Variants in PRRC2B observed in about 807,000 individuals in gnomAD.
PRRC2B encodes proline rich coiled-coil 2B.
PRRC2B carries 68 observed loss-of-function variants against 242.3 expected under a neutral mutation model. That is an observed-to-expected ratio of 0.28 (90% CI 0.23 to 0.34). PRRC2B has a LOEUF of 0.34. Ranked by LOEUF, PRRC2B falls within the 10% of genes least tolerant of loss-of-function variation. The probability of loss-of-function intolerance (pLI) is 1.00; values close to 1 mark genes in which losing one functional copy is unlikely to be tolerated. For synonymous variants in PRRC2B, 1,228 were observed against 1,173.6 expected, an observed-to-expected ratio of 1.05 and a Z score of -0.95; for missense variants, 2,835 against 2,954.8, an observed-to-expected ratio of 0.96 and a Z score of 0.94.
rs1944190554 is a variant in PRRC2B at position 131,491,409 on chromosome 9, C to G, written c.6226-16C>G. On this transcript the variant is annotated splice_polypyrimidine_tract_variant and intron_variant, in intron 28 of 31. Coordinates refer to ENST00000683519, the MANE Select transcript of PRRC2B (RefSeq NM_013318.4). ...TAGCATCATTCCCCCTCCTGACTGT[C>G]ATTGTCGCCCAGCAGCTGACCATGC... The G allele has an allele frequency of 1.3e-6, 2 of 1,580,328 alleles. No homozygotes were observed.
At chr9:131,443,539 TCCTC>T (rs1838685175) in intron 5 of PRRC2B, among the ~76,000 whole-genome samples, 1 of 151,756 alleles carries the variant, frequency 6.6e-6, no homozygotes, top group Non-Finnish European at 1.5e-5. Flanking sequence ...GCTCAAGTGA[TCCTC>T]CCACCCCAGC....
At chr9:131,397,929 C>G (rs914679835) in intron 1 of PRRC2B, among the ~76,000 whole-genome samples, 4 of 152,228 alleles carry the variant, frequency 2.6e-5, no homozygotes, top group Middle Eastern at 3.4e-3. Context: ...TGTAAGGAGG[C>G]AGGGCTAACT....
intron 1 of PRRC2B, among the ~76,000 whole-genome samples, chr9:131,377,460 G>A (rs1836702304): frequency 6.6e-6 from 1 of 151,996 alleles, no homozygotes; most frequent in South Asian, 2.1e-4. Flanking sequence ...ACTTTTGGAG[G>A]ATATGGTCTT....
chr9:131,408,076 G>A (rs1837413689), intron 1 of PRRC2B, among the ~76,000 whole-genome samples: 1 of 152,188 alleles, frequency 6.6e-6, no homozygotes. Context: ...GCTGAACTGT[G>A]GGAGTGCCAC....
At chr9:131,490,789 G>T in intron 28 of PRRC2B, 1 of 355,890 alleles carries the variant, frequency 2.8e-6, no homozygotes. Context: ...TTGAACGTGT[G>T]TGCTGTACAA....
At chr9:131,412,982 C>A (rs974699304) in intron 1 of PRRC2B, among the ~76,000 whole-genome samples, 1 of 152,020 alleles carries the variant, frequency 6.6e-6, no homozygotes, top group African/African-American at 2.4e-5. Flanking sequence ...TTTTCCTCTT[C>A]ATCTAATTAG....
At chr9:131,448,555 A>AAAAAAAACAAAAAAAAAAAAAC (rs1838897770) in intron 9 of PRRC2B, among the ~76,000 whole-genome samples, 4 of 126,944 alleles carry the variant, frequency 3.2e-5, no homozygotes, top group Admixed American at 9.2e-5. Context: ...AAAAAAAAAA[A>AAAAAAAACAAAAAAAAAAAAAC]AAAAAAAAAA....
In PRRC2B at chr9:131,496,043, C is replaced by T. The variant is rs1459700087; in HGVS notation, c.*169C>T. ...GAAAGCTCCGTTGTCAACCAGCTTG[C>T]ACCCGTGGATATATGGCATTGACCC... On this transcript the variant is annotated 3_prime_UTR_variant, in exon 32 of 32. Coordinates refer to ENST00000683519, the MANE Select transcript of PRRC2B (RefSeq NM_013318.4). The T allele has an allele frequency of 1.5e-5, 14 of 910,368 alleles. No individual in the cohort carries two copies. Among genetic ancestry groups the T allele is most frequent in the Non-Finnish European group, 2.1e-5 (13 of 619,338 alleles). The allele number at this position is 910,368 out of a possible 1,614,324, so 56.4% of individuals were successfully genotyped here.
rs772322025 is a variant in PRRC2B, at chr9:131,487,209, C to T, written c.5899C>T (p.Leu1967=). ...GATCCCGATCTCCCTTCACACATCT[C>T]TGCAGGCACAAGCTCAGCTTGGACT... ...QQIPISLHTS[L]QAQAQLGLRG... is the part of the protein sequence containing the mutation. The change falls in exon 27 of 32, where the codon CTG becomes TTG. Residue 1967 remains leucine (L), a synonymous_variant. Transcript: ENST00000683519. The surrounding 1 kb of genome is among the most constrained non-coding windows in gnomAD (Gnocchi z 5.3). 15 of 1,613,858 alleles carry T rather than the reference C, an allele frequency of 9.3e-6. No individual in the cohort carries two copies. Among genetic ancestry groups the T allele is most frequent in the Non-Finnish European group, 1.2e-5 (14 of 1,179,778 alleles).
At position 131,476,198 on chromosome 9, in the gene PRRC2B, A is replaced by G. The variant is rs777834819; in HGVS notation, c.4069A>G (p.Arg1357Gly). The change falls in exon 16 of 32, where the codon AGG becomes GGG. Residue 1357 changes from arginine (R) to glycine (G), a missense_variant. Physicochemically the swap from Arg to Gly is moderately radical, Grantham distance 125. Coordinates refer to ENST00000683519, the MANE Select transcript of PRRC2B (RefSeq NM_013318.4). The stretch of plus-strand genomic sequence containing the variant: ...GGACAAGAGTGGCACTGTGGGCCGC[A>G]GGTCCCCTGAGCTCTCCTACCAGAA... ...SGDKSGTVGR[R>G]SPELSYQNSS... 6.2e-7 allele frequency: 1 copy of G among 1,613,558 alleles called. No individual in the cohort carries two copies. The highest frequency in any genetic ancestry group is 2.2e-5 in the East Asian group (1 of 44,874).
In PRRC2B at chr9:131,499,027, C is replaced by G. The variant is rs765186566; in HGVS notation, c.*3153C>G. 17 of 152,150 alleles carry G rather than the reference C, an allele frequency of 1.1e-4. No individual in the cohort carries two copies. The highest frequency in any genetic ancestry group is 1.8e-4 in the Non-Finnish European group (12 of 68,024). 9.4% of individuals were successfully genotyped at this position (152,150 alleles called of 1,614,324 possible). The stretch of plus-strand genomic sequence containing the variant: ...TTTTCAAACTTGGAATTCATAGACA[C>G]TCTGGCTCTAGGTTCCTTAAGGGGG... On this transcript the variant is annotated 3_prime_UTR_variant, in exon 32 of 32. Coordinates refer to ENST00000683519, the MANE Select transcript of PRRC2B (RefSeq NM_013318.4).
intron 9 of PRRC2B, among the ~76,000 whole-genome samples, chr9:131,452,402 G>A (rs1425259503): frequency 6.6e-6 from 1 of 152,158 alleles, no homozygotes; most frequent in Non-Finnish European, 1.5e-5. Context: ...GATTAGTTAT[G>A]AGACTGTGCA....
At position 131,438,974 on chromosome 9, in the gene PRRC2B, TCTTC is replaced by T; in HGVS notation, c.397-10_397-7del. 6.2e-7 allele frequency: 1 copy of T among 1,606,418 alleles called. No homozygotes were observed. The highest frequency in any genetic ancestry group is 1.1e-5 in the South Asian group (1 of 90,162). On this transcript the variant is annotated splice_polypyrimidine_tract_variant and intron_variant, in intron 4 of 31. Coordinates refer to ENST00000683519, the MANE Select transcript of PRRC2B (RefSeq NM_013318.4). ...AAGGGAGCTGGCCCTCTTCTGATTC[TCTTC>T]CTTCTTTCAGAATACAAATTCAGTG...
intron 10 of PRRC2B, among the ~76,000 whole-genome samples, chr9:131,457,945 C>T (rs1371692794): frequency 6.6e-6 from 1 of 152,158 alleles, no homozygotes; most frequent in Non-Finnish European, 1.5e-5. Context: ...GACACACAGG[C>T]CCACACATCT....
rs1027133090 is a variant in PRRC2B at position 131,432,884 on chromosome 9, T to C, written c.293+90T>C. Reference sequence around the variant, plus strand: ...CTGTGGCAAACTAACCCTAACCCTTTGGCTACTGCAGCGCTAGTCTTGCAG... The same window carrying C: ...CTGTGGCAAACTAACCCTAACCCTTCGGCTACTGCAGCGCTAGTCTTGCAG... On this transcript the variant is annotated intron_variant, in intron 3 of 31. Coordinates refer to ENST00000683519, the MANE Select transcript of PRRC2B (RefSeq NM_013318.4). The C allele has an allele frequency of 3.0e-6, 4 of 1,340,900 alleles. No individual in the cohort carries two copies. The African/African-American group carries it at 5.8e-5, about 20-fold the overall frequency. The allele number at this position is 1,340,900 out of a possible 1,614,324, so 83.1% of individuals were successfully genotyped here.
Position 131,476,512 on chromosome 9 carries a change from T to C in PRRC2B, c.4383T>C (p.Asn1461=), listed in dbSNP as rs1410545312. The stretch of plus-strand genomic sequence containing the variant: ...CCCCTCGCTATGAGAGCCAACAGAA[T>C]GGGACGCCTTTGAAAGTGAAAAGGT... The part of the protein sequence containing the change: ...DTSPRYESQQ[N]GTPLKVKRSP... The change falls in exon 16 of 32, where the codon AAT becomes AAC. Residue 1461 remains asparagine, a synonymous_variant. Coordinates refer to ENST00000683519, the MANE Select transcript of PRRC2B (RefSeq NM_013318.4). The C allele has an allele frequency of 1.3e-6, 2 of 1,598,754 alleles. No homozygotes were observed. The highest frequency in any genetic ancestry group is 8.5e-7 in the Non-Finnish European group (1 of 1,172,530).
intron 1 of PRRC2B, among the ~76,000 whole-genome samples, chr9:131,405,512 T>G (rs1223767684): frequency 6.6e-6 from 1 of 152,168 alleles, no homozygotes; most frequent in Non-Finnish European, 1.5e-5. Context: ...ATATCTCACT[T>G]CTCGACTCAA....
At chr9:131,420,453 T>TCTCTTTCTTTCTTTC (rs1837776424) in intron 1 of PRRC2B, among the ~76,000 whole-genome samples, 1 of 60,990 alleles carries the variant, frequency 1.6e-5, no homozygotes, top group Non-Finnish European at 3.3e-5. Context: ...TTCTTTTTCT[T>TCTCTTTCTTTCTTTC]TTTCTTTCTT....
chr9:131,448,496 A>G (rs111615003), intron 9 of PRRC2B, among the ~76,000 whole-genome samples: 9,177 of 139,326 alleles, frequency 0.066, 383 homozygotes, highest in Admixed American at 0.13. Flanking sequence ...GTGAGCCAAG[A>G]TCGCACCACT....
Sources: allele counts gnomAD v4.1 joint callset (sites outside exome capture counted in the v4.1 genomes callset), GRCh38; gene constraint gnomAD v4.1.1; non-coding constraint Gnocchi (gnomAD v3.1); transcripts MANE v1.5; gene names NCBI Gene and HGNC (gene_info 2026-07-23, HGNC 2026-07-21).